The following FAM228B variants were observed in gnomAD, a reference collection of about 807,000 sequenced individuals.
FAM228B encodes family with sequence similarity 228 member B, also known as protein FAM228B.
In FAM228B, 38 loss-of-function variants were observed where a neutral mutation model predicts 42.6. That is an observed-to-expected ratio of 0.89 (90% confidence interval 0.69 to 1.17). The LOEUF (loss-of-function observed/expected upper bound fraction) is 1.17. Ranked by LOEUF, FAM228B falls within the 50% of genes most tolerant of loss-of-function variation. The probability of loss-of-function intolerance (pLI) is 0.00; values close to 1 mark genes in which losing one functional copy is unlikely to be tolerated. For synonymous variants in FAM228B, 109 were observed against 122.3 expected (o/e 0.89, Z 0.72); for missense variants, 344 against 367.3 (o/e 0.94, Z 0.52).
intron 8 of FAM228B, 97 bp from the exon 9 acceptor site, chr2:24,164,101 A>C (rs546203566): frequency 8.8e-7 from 1 of 1,138,092 alleles, no homozygotes; most frequent in East Asian, 2.9e-5. Context: ...ACAAATTCAC[A>C]TAGAACTCAT....
At chr2:24,105,345 C>A (rs1665682116) in intron 3 of FAM228B, among the ~76,000 whole-genome samples, 1 of 152,166 alleles carries the variant, frequency 6.6e-6, no homozygotes, top group East Asian at 1.9e-4. Flanking sequence ...TCCTCCAAGA[C>A]CTAGGAGTGG....
intron 1 of FAM228B, chr2:24,079,662 T>G (rs555028845): frequency 1.2e-6 from 2 of 1,610,382 alleles, no homozygotes; most frequent in Non-Finnish European, 1.7e-6. Flanking sequence ...AACAGATTTG[T>G]GATGCTAGTC....
chr2:24,163,168 A>C (rs1287674793), intron 8 of FAM228B, among the ~76,000 whole-genome samples: 1 of 152,230 alleles, frequency 6.6e-6, no homozygotes, highest in Non-Finnish European at 1.5e-5. Flanking sequence ...ATCGGCTTAC[A>C]ATTCTCTGTT....
chr2:24,127,131 A>G (rs1666334339), intron 2 of FAM228B, among the ~76,000 whole-genome samples: 1 of 152,132 alleles, frequency 6.6e-6, no homozygotes. Flanking sequence ...GGCTCCTGGC[A>G]ACACTGATCT....
intron 4 of FAM228B, among the ~76,000 whole-genome samples, chr2:24,138,835 A>G (rs1366395941): frequency 1.3e-5 from 2 of 151,316 alleles, no homozygotes; most frequent in East Asian, 4.0e-4. Context: ...AATCCCAGCT[A>G]CTTGGGAGGC....
chr2:24,101,437 C>T (rs1394498963), intron 3 of FAM228B, among the ~76,000 whole-genome samples: 1 of 151,942 alleles, frequency 6.6e-6, no homozygotes, highest in East Asian at 1.9e-4. Context: ...GACCACAGGG[C>T]TACTATAAGT....
intron 2 of FAM228B, among the ~76,000 whole-genome samples, chr2:24,126,450 A>C (rs1348306458): frequency 1.3e-5 from 2 of 152,200 alleles, no homozygotes; most frequent in African/African-American, 2.4e-5. Flanking sequence ...GATTATGAGC[A>C]TCTTTTCAAG....
intron 9 of FAM228B, 80 bp downstream of exon 9, chr2:24,164,415 C>T: frequency 7.1e-7 from 1 of 1,417,876 alleles, no homozygotes; most frequent in Non-Finnish European, 9.4e-7. Context: ...TGGGAACTTT[C>T]TTTGTATGGC....
rs1666245461 is a variant in FAM228B at position 24,124,358 on chromosome 2, C to A, written c.-4C>A. The A allele has an allele frequency of 6.5e-7, 1 of 1,533,138 alleles. No homozygotes were observed. The highest frequency in any genetic ancestry group is 8.8e-7 in the Non-Finnish European group (1 of 1,137,338). The allele number at this position is 1,533,138 out of a possible 1,614,324, so 95.0% of individuals were successfully genotyped here. A position where few individuals can be genotyped will look rare whatever the true frequency, so the allele number is the denominator to read the frequency against. ...TTCCAGGGGCATTGTTATTTGTGACCACAATGAAAAATGTAGACAGTGATG... is the reference window on the plus strand; with the variant it reads ...TTCCAGGGGCATTGTTATTTGTGACAACAATGAAAAATGTAGACAGTGATG... On this transcript the variant is annotated 5_prime_UTR_variant, in exon 2 of 11. Transcript: ENST00000615575.
chr2:24,151,077 G>A (rs1364046153), intron 7 of FAM228B, among the ~76,000 whole-genome samples: 2 of 151,898 alleles, frequency 1.3e-5, no homozygotes, highest in Non-Finnish European at 1.5e-5. Context: ...CACTTTTGAG[G>A]CTATTTCCTG....
At chr2:24,103,924 T>C (rs1206195231) in intron 3 of FAM228B, among the ~76,000 whole-genome samples, 1 of 152,092 alleles carries the variant, frequency 6.6e-6, no homozygotes, top group Non-Finnish European at 1.5e-5. Flanking sequence ...AAGCCAGGAC[T>C]CAGGACAAGA....
chr2:24,155,184 T>C (rs1667106463), intron 7 of FAM228B, among the ~76,000 whole-genome samples: 1 of 152,140 alleles, frequency 6.6e-6, no homozygotes, highest in Non-Finnish European at 1.5e-5. Flanking sequence ...ACTCTGATCA[T>C]GTAGTAAGAT....
At chr2:24,151,365 A>G (rs950062147) in intron 7 of FAM228B, among the ~76,000 whole-genome samples, 5 of 150,970 alleles carry the variant, frequency 3.3e-5, no homozygotes, top group Non-Finnish European at 5.9e-5. Flanking sequence ...ATCTTGGCTC[A>G]CTGCAACCTC....
At chr2:24,078,533 G>A (rs1307241705) in intron 1 of FAM228B, among the ~76,000 whole-genome samples, 1 of 150,828 alleles carries the variant, frequency 6.6e-6, no homozygotes. Context: ...CAATCTGCTG[G>A]TATCAATTTG....
At chr2:24,103,860 A>C (rs1665652881) in intron 3 of FAM228B, among the ~76,000 whole-genome samples, 1 of 152,228 alleles carries the variant, frequency 6.6e-6, no homozygotes, top group South Asian at 2.1e-4. Context: ...AATTATTGGC[A>C]TGGGGGCTGA....
At chr2:24,143,344 C>A (rs941361584) in intron 5 of FAM228B, among the ~76,000 whole-genome samples, 16 of 152,084 alleles carry the variant, frequency 1.1e-4, no homozygotes, top group Non-Finnish European at 1.9e-4. Flanking sequence ...CCACGCCCGG[C>A]TAATTTTGTT....
chr2:24,086,071 T>G (rs1361452261), intron 2 of FAM228B, among the ~76,000 whole-genome samples: 1 of 151,210 alleles, frequency 6.6e-6, no homozygotes, highest in African/African-American at 2.4e-5. Flanking sequence ...CCGTCTCTAC[T>G]AAAAATACAA....
intron 3 of FAM228B, among the ~76,000 whole-genome samples, chr2:24,099,477 AACAG>A (rs1426796295): frequency 3.9e-5 from 6 of 152,034 alleles, no homozygotes; most frequent in Non-Finnish European, 7.4e-5. Context: ...ATACGCCATT[AACAG>A]ACAGAGAGCC....
At chr2:24,147,125 A>G (rs1284371454) in intron 7 of FAM228B, 39 bp downstream of exon 7, 1 of 1,377,836 alleles carries the variant, frequency 7.3e-7, no homozygotes, top group East Asian at 2.5e-5. Flanking sequence ...AACCTTTTGG[A>G]CTTTGAAAAT....
Sources: gnomAD v4.1 joint callset for allele counts (sites outside exome capture counted in the v4.1 genomes callset) on GRCh38, gnomAD v4.1.1 for gene constraint, MANE v1.5 for transcripts, NCBI Gene and HGNC (gene_info 2026-07-23, HGNC 2026-07-21) for gene names.